PRSS12: variants seen among roughly 807,000 people sequenced by gnomAD.
PRSS12 encodes the protein neurotrypsin.
In PRSS12, 85 loss-of-function variants were observed where a neutral mutation model predicts 104.4. The ratio of observed to expected loss-of-function variants is 0.81; its 90% CI spans 0.68 to 0.98. The LOEUF (loss-of-function observed/expected upper bound fraction) is 0.98. PRSS12 is among the 50% of genes least tolerant of loss of function. PRSS12 has a pLI of 0.00. For synonymous variants in PRSS12, 454 were observed against 425.2 expected, an observed-to-expected ratio of 1.07 and a Z score of -0.83; for missense variants, 1,141 against 1,139.2, an observed-to-expected ratio of 1.00 and a Z score of -0.02.
At chr4:118,314,717 T>G (rs1743860048) in intron 6 of PRSS12, among the ~76,000 whole-genome samples, 1 of 152,072 alleles carries the variant, frequency 6.6e-6, no homozygotes, top group Non-Finnish European at 1.5e-5. Context: ...TTACACACAT[T>G]ATTGAGAACA....
In PRSS12 at chr4:118,283,128, A is replaced by T. The variant is rs1159328025; in HGVS notation, c.2040-17T>A. 1 of 1,613,602 alleles carries T rather than the reference A, an allele frequency of 6.2e-7. No homozygotes were observed. The highest frequency in any genetic ancestry group is 2.2e-5 in the East Asian group (1 of 44,896). ...TTGCCATACCTGAGAGGCAGAGAGT[A>T]CTAATGAGAGACTTGCTTCAGATAC... On this transcript the variant is annotated splice_polypyrimidine_tract_variant and intron_variant, in intron 11 of 12. Transcript: ENST00000296498.
At chr4:118,282,360 T>A in intron 12 of PRSS12, 117 bp from the exon 13 acceptor site, 1 of 1,346,044 alleles carries the variant, frequency 7.4e-7, no homozygotes, top group Non-Finnish European at 1.1e-6. Context: ...TAGTGTAGTT[T>A]AAAATGAGCA....
chr4:118,297,667 A>G (rs1743285623), intron 9 of PRSS12, among the ~76,000 whole-genome samples: 1 of 152,150 alleles, frequency 6.6e-6, no homozygotes, highest in Non-Finnish European at 1.5e-5. Flanking sequence ...GCAGTTATTA[A>G]AAGGTGTTAG....
At chr4:118,290,382 GAAT>G (rs1743102004) in intron 11 of PRSS12, among the ~76,000 whole-genome samples, 1 of 152,076 alleles carries the variant, frequency 6.6e-6, no homozygotes, top group African/African-American at 2.4e-5. Context: ...AAGAAATCTT[GAAT>G]AACAGGAAGA....
intron 1 of PRSS12, among the ~76,000 whole-genome samples, chr4:118,339,615 A>C (rs1385771707): frequency 6.6e-6 from 1 of 152,240 alleles, no homozygotes; most frequent in Non-Finnish European, 1.5e-5. Context: ...TTCAGGAATG[A>C]ACAGGGCATG....
At chr4:118,328,042 A>ATC in intron 4 of PRSS12, among the ~76,000 whole-genome samples, 1 of 152,200 alleles carries the variant, frequency 6.6e-6, no homozygotes, top group Non-Finnish European at 1.5e-5. Context: ...TTGCTTAAGA[A>ATC]TGAATCATAA....
chr4:118,351,254 C>T (rs1170461628), intron 1 of PRSS12, among the ~76,000 whole-genome samples: 2 of 152,096 alleles, frequency 1.3e-5, no homozygotes, highest in African/African-American at 4.8e-5. Flanking sequence ...TCAGGAAACC[C>T]TTGCCCCACA....
Position 118,299,452 on chromosome 4 carries a change from G to A in PRSS12, c.1632-514C>T, listed in dbSNP as rs377145506. ...TCCCAACACTTTGGGAGGCCAAGGC[G>A]GGCGGATCACCTGAGGTCAGGAGTT... On this transcript the variant is annotated intron_variant, in intron 8 of 12. Coordinates refer to ENST00000296498, the MANE Select transcript of PRSS12 (RefSeq NM_003619.4). Among the ~76,000 whole-genome samples, 38 of 152,096 alleles carry A rather than the reference G, an allele frequency of 2.5e-4. No individual in the cohort carries two copies. The East Asian group carries it at 2.7e-3, about 11-fold the overall frequency.
chr4:118,350,395 C>G (rs113547455), intron 1 of PRSS12, among the ~76,000 whole-genome samples: 386 of 152,314 alleles, frequency 2.5e-3, no homozygotes, highest in African/African-American at 9.0e-3. Flanking sequence ...CATCTCAAAG[C>G]TATAGGTTAT....
chr4:118,298,507 G>C (rs547155179), intron 9 of PRSS12, among the ~76,000 whole-genome samples: 269 of 152,294 alleles, frequency 1.8e-3, no homozygotes, highest in Non-Finnish European at 3.0e-3. Flanking sequence ...GATGATCCCA[G>C]AGATTACAAG....
chr4:118,317,314 A>T (rs1723471815), intron 5 of PRSS12, among the ~76,000 whole-genome samples: 1 of 152,182 alleles, frequency 6.6e-6, no homozygotes, highest in Non-Finnish European at 1.5e-5. Flanking sequence ...AATTCCAAAA[A>T]AAGTAGATTT....
Position 118,343,251 on chromosome 4 carries a change from C to T in PRSS12, c.503-4937G>A, listed in dbSNP as rs371992232. 8.6e-5 allele frequency among the ~76,000 whole-genome samples: 13 copies of T among 152,006 alleles called. No individual in the cohort carries two copies. The East Asian group carries it at 1.5e-3, about 18-fold the overall frequency. The stretch of plus-strand genomic sequence containing the variant: ...AAAAAAAAAAAAATTAAAAATTAGC[C>T]GGGCTTGGTGGCCCACGTGTGTAGT... On this transcript the variant is annotated intron_variant, in intron 1 of 12. Transcript: ENST00000296498.
intron 11 of PRSS12, 141 bp downstream of exon 11, chr4:118,294,798 C>T: frequency 1.7e-6 from 2 of 1,204,074 alleles, no homozygotes; most frequent in Admixed American, 3.5e-5. Context: ...TTTGTCACTC[C>T]CTCATTCCAC....
intron 4 of PRSS12, among the ~76,000 whole-genome samples, chr4:118,330,819 TATAAC>T (rs1271039942): frequency 6.6e-6 from 1 of 152,252 alleles, no homozygotes; most frequent in Non-Finnish European, 1.5e-5. Context: ...ATACTTCAAA[TATAAC>T]ATAGAATTTT....
chr4:118,348,407 A>G (rs1013682440), intron 1 of PRSS12, among the ~76,000 whole-genome samples: 1 of 152,132 alleles, frequency 6.6e-6, no homozygotes, highest in Admixed American at 6.5e-5. Context: ...ACCACTATAC[A>G]TTTTAGGTGG....
In PRSS12 at chr4:118,316,837, A is replaced by AAAAAATATATATATATAT. The variant is rs35698159; in HGVS notation, c.1151-515_1151-514insATATATATATATATTTTT. On this transcript the variant is annotated intron_variant, in intron 5 of 12. Transcript: ENST00000296498. The stretch of plus-strand genomic sequence containing the variant: ...ACTCCGTCTCACGGAAAAAAAAAAA[A>AAAAAATATATATATATAT]ATATATATATATATATATATCTTTC... Among the ~76,000 whole-genome samples, 220 of 99,102 alleles carry AAAAAATATATATATATAT rather than the reference A, an allele frequency of 2.2e-3. 1 individual carries two copies. The highest frequency in any genetic ancestry group is 5.3e-3 in the African/African-American group (152 of 28,836). The allele number at this position is 99,102 out of a possible 152,430, so 65.0% of individuals were successfully genotyped here. A position where few individuals can be genotyped will look rare whatever the true frequency, so the allele number is the denominator to read the frequency against.
chr4:118,287,413 G>C (rs973366824), intron 11 of PRSS12, among the ~76,000 whole-genome samples: 1 of 152,198 alleles, frequency 6.6e-6, no homozygotes, highest in African/African-American at 2.4e-5. Flanking sequence ...GCCTCCTGAA[G>C]TGCTGAGATT....
chr4:118,329,567 T>C (rs575553935), intron 4 of PRSS12, among the ~76,000 whole-genome samples: 2 of 152,310 alleles, frequency 1.3e-5, no homozygotes, highest in Admixed American at 1.3e-4. Context: ...GCTAACTAAA[T>C]AGAAGTTCCA....
chr4:118,341,070 G>A (rs1018209945), intron 1 of PRSS12, among the ~76,000 whole-genome samples: 1 of 152,150 alleles, frequency 6.6e-6, no homozygotes, highest in Admixed American at 6.5e-5. Context: ...GGGGAGTTGA[G>A]TAATATTTTT....
Sources: gnomAD v4.1 joint callset for allele counts (sites outside exome capture counted in the v4.1 genomes callset) on GRCh38, gnomAD v4.1.1 for gene constraint, MANE v1.5 for transcripts, NCBI Gene and HGNC (gene_info 2026-07-23, HGNC 2026-07-21) for gene names.